ADAMTSL1: variants seen among roughly 807,000 people sequenced by gnomAD.
The protein encoded by ADAMTSL1 is ADAMTS like 1, also known as ADAMTS-like protein 1.
In ADAMTSL1, 126 loss-of-function variants were observed where a neutral mutation model predicts 201.8. That is an observed-to-expected ratio of 0.62 (90% CI 0.54 to 0.72). The LOEUF (loss-of-function observed/expected upper bound fraction) is 0.72, where lower values mean the gene tolerates loss of function less well. Ranked by LOEUF, ADAMTSL1 falls within the 30% of genes least tolerant of loss-of-function variation. The pLI is 0.00. For missense variants in ADAMTSL1, 2,679 were observed against 2,277.8 expected (o/e 1.18, Z -3.59); for synonymous variants, 1,121 against 903.4 (o/e 1.24, Z -4.32).
intron 1 of ADAMTSL1, among the ~76,000 whole-genome samples, chr9:18,004,184 A>T (rs1819723581): frequency 1.3e-5 from 2 of 152,182 alleles, no homozygotes; most frequent in South Asian, 2.1e-4. Context: ...TCATATGCAC[A>T]TGGAATGATT....
intron 1 of ADAMTSL1, among the ~76,000 whole-genome samples, chr9:17,959,137 T>G (rs968610266): frequency 6.6e-6 from 1 of 152,188 alleles, no homozygotes; most frequent in Non-Finnish European, 1.5e-5. Flanking sequence ...CTTGAAAGGA[T>G]TTCTAAATAT....
intron 9 of ADAMTSL1, among the ~76,000 whole-genome samples, chr9:18,673,349 C>A (rs1829942964): frequency 6.6e-6 from 1 of 152,168 alleles, no homozygotes; most frequent in Admixed American, 6.5e-5. Flanking sequence ...AGAGCTGAGC[C>A]TATGTACACG....
chr9:18,053,705 T>G (rs1370400639), intron 1 of ADAMTSL1, among the ~76,000 whole-genome samples: 1 of 152,228 alleles, frequency 6.6e-6, no homozygotes, highest in Non-Finnish European at 1.5e-5. Context: ...ATATTAATTC[T>G]TTGAATAAAT....
At chr9:18,188,723 G>C (rs1028600629) in intron 2 of ADAMTSL1, among the ~76,000 whole-genome samples, 6 of 152,098 alleles carry the variant, frequency 3.9e-5, no homozygotes, top group African/African-American at 1.4e-4. Context: ...CCTCCTTGGT[G>C]CTTTCACTAT....
At chr9:18,696,272 G>C (rs1215776643) in intron 13 of ADAMTSL1, among the ~76,000 whole-genome samples, 1 of 152,186 alleles carries the variant, frequency 6.6e-6, no homozygotes, top group Non-Finnish European at 1.5e-5. Flanking sequence ...TCCAAACAAA[G>C]AGAAGGGAAG....
chr9:18,746,968 A>G (rs1235339762), intron 15 of ADAMTSL1, among the ~76,000 whole-genome samples: 1 of 152,234 alleles, frequency 6.6e-6, no homozygotes, highest in East Asian at 1.9e-4. Context: ...GCTTTACTGA[A>G]ATAACAACTG....
At chr9:17,913,324 A>G (rs528015075) in intron 1 of ADAMTSL1, among the ~76,000 whole-genome samples, 103 of 152,314 alleles carry the variant, frequency 6.8e-4, no homozygotes, top group Non-Finnish European at 1.2e-3. Flanking sequence ...CTTCCTACCC[A>G]TGAGCATGGA....
intron 1 of ADAMTSL1, among the ~76,000 whole-genome samples, chr9:18,156,271 T>C (rs960025366): frequency 3.3e-5 from 5 of 152,008 alleles, no homozygotes; most frequent in African/African-American, 1.2e-4. Flanking sequence ...GCAGGAGATC[T>C]GGATGGTTCA....
intron 19 of ADAMTSL1, among the ~76,000 whole-genome samples, chr9:18,794,022 C>G (rs1261232262): frequency 6.9e-6 from 1 of 145,116 alleles, no homozygotes; most frequent in Non-Finnish European, 1.5e-5. Flanking sequence ...TAAGTCTTTT[C>G]AGATTAAAAA....
At chr9:18,254,353 T>G (rs1029514728) in intron 2 of ADAMTSL1, among the ~76,000 whole-genome samples, 9 of 75,132 alleles carry the variant, frequency 1.2e-4, no homozygotes, top group African/African-American at 3.6e-4. Flanking sequence ...TGGTTTTTTT[T>G]TTTTTTTTTT....
chr9:18,216,409 C>T (rs577321664), intron 2 of ADAMTSL1, among the ~76,000 whole-genome samples: 3 of 152,264 alleles, frequency 2.0e-5, no homozygotes, highest in African/African-American at 4.8e-5. Context: ...GCTTTCACCA[C>T]AATTCTTTTG....
At chr9:18,650,709 C>T (rs1290034752) in intron 7 of ADAMTSL1, among the ~76,000 whole-genome samples, 2 of 152,168 alleles carry the variant, frequency 1.3e-5, no homozygotes, top group Admixed American at 6.5e-5. Context: ...TAAAACTAGA[C>T]TGAATTCTCA....
At chr9:18,113,252 T>C (rs1026750958) in intron 1 of ADAMTSL1, among the ~76,000 whole-genome samples, 1 of 152,176 alleles carries the variant, frequency 6.6e-6, no homozygotes, top group Admixed American at 6.6e-5. Flanking sequence ...AGGCTCTTAC[T>C]GACTAATGAC....
chr9:18,829,797 A>AGCCCTGT (rs973623055), intron 22 of ADAMTSL1, 46 bp from the exon 23 acceptor site: 38 of 1,611,512 alleles, frequency 2.4e-5, no homozygotes, highest in Non-Finnish European at 3.1e-5. Context: ...GCCTTGACAC[A>AGCCCTGT]GCCCTGTGCT....
intron 19 of ADAMTSL1, among the ~76,000 whole-genome samples, chr9:18,787,724 G>A (rs1477087436): frequency 6.6e-6 from 1 of 152,106 alleles, no homozygotes; most frequent in Admixed American, 6.5e-5. Flanking sequence ...TATAGTGTGA[G>A]AGCAGCCATA....
intron 2 of ADAMTSL1, among the ~76,000 whole-genome samples, chr9:18,179,219 C>T (rs527477821): frequency 1.1e-3 from 169 of 151,938 alleles, no homozygotes; most frequent in African/African-American, 3.7e-3. Flanking sequence ...TCGAGAACTA[C>T]GTGAAGAATG....
chr9:18,771,951 G>A (rs530063488), intron 17 of ADAMTSL1, among the ~76,000 whole-genome samples: 10 of 152,184 alleles, frequency 6.6e-5, no homozygotes, highest in South Asian at 6.2e-4. Flanking sequence ...CATTACGACA[G>A]GTTTTATAAC....
chr9:18,605,319 G>C (rs1269166532), intron 4 of ADAMTSL1, among the ~76,000 whole-genome samples: 1 of 152,194 alleles, frequency 6.6e-6, no homozygotes, highest in Non-Finnish European at 1.5e-5. Flanking sequence ...CAATTTAAAT[G>C]ACTGCTTACA....
intron 1 of ADAMTSL1, among the ~76,000 whole-genome samples, chr9:18,111,543 T>G (rs1825009043): frequency 6.6e-6 from 1 of 152,186 alleles, no homozygotes; most frequent in Non-Finnish European, 1.5e-5. Flanking sequence ...AAGAAAGCTG[T>G]GCAAAACCTA....
Sources: allele counts gnomAD v4.1 joint callset (sites outside exome capture counted in the v4.1 genomes callset), GRCh38; gene constraint gnomAD v4.1.1; transcripts MANE v1.5; gene names NCBI Gene and HGNC (gene_info 2026-07-23, HGNC 2026-07-21).